AFAP1L2: variants seen among roughly 807,000 people sequenced by gnomAD.
AFAP1L2 encodes the protein actin filament-associated protein 1-like 2.
AFAP1L2 carries 46 observed loss-of-function variants against 99.3 expected under a neutral mutation model. That is an observed-to-expected ratio of 0.46 (90% CI 0.37 to 0.59). The LOEUF (loss-of-function observed/expected upper bound fraction) is 0.59, where lower values mean the gene tolerates loss of function less well. AFAP1L2 is among the 20% of genes least tolerant of loss of function. The pLI is 0.00. For synonymous variants in AFAP1L2, 397 were observed against 419.1 expected (o/e 0.95, Z 0.64); for missense variants, 959 against 1,034.9 (o/e 0.93, Z 1.01).
At chr10:114,383,782 C>G (rs1414069395) in intron 1 of AFAP1L2, among the ~76,000 whole-genome samples, 3 of 152,174 alleles carry the variant, frequency 2.0e-5, no homozygotes, top group Admixed American at 6.5e-5. Context: ...TTTCTCTTTG[C>G]CCTGGAAAGT....
At chr10:114,310,152 C>T (rs987967812) in intron 8 of AFAP1L2, among the ~76,000 whole-genome samples, 1 of 152,192 alleles carries the variant, frequency 6.6e-6, no homozygotes, top group Non-Finnish European at 1.5e-5. Flanking sequence ...GTCTCAAATC[C>T]CTGACTTCAG....
chr10:114,360,047 C>T (rs746893685), intron 1 of AFAP1L2, among the ~76,000 whole-genome samples: 4 of 152,136 alleles, frequency 2.6e-5, no homozygotes, highest in Non-Finnish European at 5.9e-5. Context: ...GGCATTTGGT[C>T]GAACATTCTT....
chr10:114,363,303 C>T (rs763942991), intron 1 of AFAP1L2: 19 of 417,450 alleles, frequency 4.6e-5, no homozygotes, highest in Admixed American at 3.8e-4. Context: ...TCACGACACA[C>T]GCTCTGAGGC....
At chr10:114,316,837 G>C (rs1470864492) in intron 5 of AFAP1L2, among the ~76,000 whole-genome samples, 1 of 152,162 alleles carries the variant, frequency 6.6e-6, no homozygotes. Context: ...CCAACCCCTG[G>C]CACAGGAATC....
At chr10:114,298,220 A>C (rs1175783608) in intron 16 of AFAP1L2, among the ~76,000 whole-genome samples, 1 of 152,118 alleles carries the variant, frequency 6.6e-6, no homozygotes, top group Non-Finnish European at 1.5e-5. Context: ...TCTACTAAAA[A>C]TACAAAAATT....
chr10:114,300,523 CT>C lies in AFAP1L2; in HGVS notation c.1709del (p.Glu570GlyfsTer18). Reference protein sequence around the residue: ...PTLSCLDNATEALPADSGPGP... With the variant: ...PTLSCLDNATXALPADSGPGP... ...CTGGGCCTGAGTCTGCCGGGAGGGCCTCAGTTGCATTGTCCAGGCAGGACAA... is the reference window on the plus strand; with the variant it reads ...CTGGGCCTGAGTCTGCCGGGAGGGCCCAGTTGCATTGTCCAGGCAGGACAA... On this transcript the variant is annotated frameshift_variant, in exon 14 of 19. Transcript: ENST00000304129. LOFTEE classifies it high-confidence loss of function. The C allele has an allele frequency of 6.2e-7, 1 of 1,614,146 alleles. No individual in the cohort carries two copies. Among genetic ancestry groups the C allele is most frequent in the Non-Finnish European group, 8.5e-7 (1 of 1,180,026 alleles).
chr10:114,384,322 C>T (rs1035042450), intron 1 of AFAP1L2, among the ~76,000 whole-genome samples: 6 of 150,176 alleles, frequency 4.0e-5, no homozygotes, highest in Admixed American at 2.6e-4. Context: ...TCTTGTCTGT[C>T]GTCCCCCCCC....
intron 1 of AFAP1L2, among the ~76,000 whole-genome samples, chr10:114,342,228 C>G (rs73367113): frequency 0.015 from 2,230 of 152,270 alleles, 61 homozygotes; most frequent in African/African-American, 0.051. Context: ...ACTGCCTGAC[C>G]ATCACCTGGT....
intron 1 of AFAP1L2, among the ~76,000 whole-genome samples, chr10:114,372,823 C>T (rs2054298364): frequency 1.3e-5 from 2 of 152,200 alleles, no homozygotes; most frequent in East Asian, 1.9e-4. Context: ...ATAATATTCT[C>T]TACATAAGAT....
At chr10:114,305,804 T>A (rs1459424509) in intron 10 of AFAP1L2, among the ~76,000 whole-genome samples, 198 of 28,054 alleles carry the variant, frequency 7.1e-3, no homozygotes, top group Admixed American at 0.012. Context: ...GCAGGAGGCG[T>A]CGGGGCTGCA....
At chr10:114,314,082 GC>G in intron 6 of AFAP1L2, 32 bp from the exon 7 acceptor site, 3 of 1,589,868 alleles carry the variant, frequency 1.9e-6, no homozygotes, top group Non-Finnish European at 2.6e-6. Flanking sequence ...ACACCACTTT[GC>G]CAGGGGTGCC....
intron 5 of AFAP1L2, among the ~76,000 whole-genome samples, chr10:114,320,976 A>G (rs2045171454): frequency 6.6e-6 from 1 of 152,180 alleles, no homozygotes; most frequent in Admixed American, 6.5e-5. Flanking sequence ...GGCTGCCCAC[A>G]AAGCCAGCGT....
chr10:114,326,080 G>T (rs1225290647), intron 4 of AFAP1L2: 20 of 1,274,270 alleles, frequency 1.6e-5, no homozygotes, highest in Non-Finnish European at 1.7e-5. Context: ...GAACCCTTCT[G>T]CAGGAGCTCC....
intron 1 of AFAP1L2, among the ~76,000 whole-genome samples, 154 bp downstream of exon 1, chr10:114,404,286 C>T (rs2058516551): frequency 6.6e-6 from 1 of 152,190 alleles, no homozygotes; most frequent in Non-Finnish European, 1.5e-5. Flanking sequence ...TCCGCGGCGC[C>T]GCTGTCGCCC....
At position 114,294,938 on chromosome 10, in the gene AFAP1L2, G is replaced by A; in HGVS notation, c.*1104C>T. On this transcript the variant is annotated 3_prime_UTR_variant, in exon 19 of 19. Coordinates refer to ENST00000304129, the MANE Select transcript of AFAP1L2 (RefSeq NM_001001936.3). ...GAATAAAAAAGACATTTAGTTCTCA[G>A]GAACAAGTGTTAGAGAACTGATACA... 1 of 981,798 alleles carries A rather than the reference G, an allele frequency of 1.0e-6. No individual in the cohort carries two copies. The highest frequency in any genetic ancestry group is 4.7e-5 in the South Asian group (1 of 21,182). The allele number at this position is 981,798 out of a possible 1,614,324, so 60.8% of individuals were successfully genotyped here.
rs115762780 is a variant in AFAP1L2 at position 114,314,089 on chromosome 10, G to A, written c.613-39C>T. 3.8e-4 allele frequency: 607 copies of A among 1,581,792 alleles called. 3 individuals are homozygous for A. In the African/African-American group the frequency reaches 7.5e-3, roughly 19 times the overall value. On this transcript the variant is annotated intron_variant, in intron 6 of 18. Transcript: ENST00000304129. ...GAGAAGATACACCACTTTGCCAGGG[G>A]TGCCGGGCGGAGGTGATGTCTGCAA...
intron 5 of AFAP1L2, among the ~76,000 whole-genome samples, chr10:114,316,819 A>G (rs10885545): frequency 0.72 from 110,273 of 152,144 alleles, 42,091 homozygotes; most frequent in East Asian, 0.95. Context: ...GAACCTCAGG[A>G]TTTCAGTCCA....
At chr10:114,330,003 C>T (rs538542618) in intron 4 of AFAP1L2, among the ~76,000 whole-genome samples, 3 of 152,094 alleles carry the variant, frequency 2.0e-5, no homozygotes, top group Non-Finnish European at 2.9e-5. Context: ...GTGTAGCAGT[C>T]GCTGGCATTG....
At chr10:114,338,242 G>A (rs1382187786) in intron 2 of AFAP1L2, among the ~76,000 whole-genome samples, 1 of 152,200 alleles carries the variant, frequency 6.6e-6, no homozygotes, top group Non-Finnish European at 1.5e-5. Context: ...TCTGGACTGT[G>A]ATGGCCAGGG....
Sources: allele counts gnomAD v4.1 joint callset (sites outside exome capture counted in the v4.1 genomes callset), GRCh38; gene constraint gnomAD v4.1.1; transcripts MANE v1.5; gene names NCBI Gene and HGNC (gene_info 2026-07-23, HGNC 2026-07-21).